The following TMEM108 variants were observed in gnomAD, a reference collection of about 807,000 sequenced individuals.
The protein encoded by TMEM108 is transmembrane protein 108.
A neutral mutation model predicts 35.1 loss-of-function variants in TMEM108; 12 were observed. That is an observed-to-expected ratio of 0.34 (90% CI 0.22 to 0.55). The LOEUF (loss-of-function observed/expected upper bound fraction) is 0.55. Among genes scored for constraint, TMEM108 ranks in the 20% least tolerant of loss-of-function variants. The pLI is 0.89. For missense variants in TMEM108, 680 were observed against 753.3 expected (o/e 0.90, Z 1.14); for synonymous variants, 287 against 308.6 (o/e 0.93, Z 0.73).
chr3:133,369,326 A>G (rs1300493750), intron 3 of TMEM108, among the ~76,000 whole-genome samples: 1 of 152,206 alleles, frequency 6.6e-6, no homozygotes, highest in African/African-American at 2.4e-5. Context: ...CCGAGCAGGA[A>G]GGGAGTATGG....
At chr3:133,061,212 C>CT (rs778632376) in intron 2 of TMEM108, among the ~76,000 whole-genome samples, 8,289 of 129,970 alleles carry the variant, frequency 0.064, 923 homozygotes, top group African/African-American at 0.21. Flanking sequence ...GGCATGTCTC[C>CT]TTTTTTTTTT....
At chr3:133,060,417 G>A (rs1943522393) in intron 2 of TMEM108, among the ~76,000 whole-genome samples, 1 of 152,176 alleles carries the variant, frequency 6.6e-6, no homozygotes, top group South Asian at 2.1e-4. Context: ...TGAGTTTTGT[G>A]GGGGTGCTGA....
chr3:133,335,810 G>A (rs898114610), intron 3 of TMEM108, among the ~76,000 whole-genome samples: 1 of 152,186 alleles, frequency 6.6e-6, no homozygotes, highest in Admixed American at 6.5e-5. Context: ...GAAGAGGATA[G>A]GAAACACAGT....
chr3:133,280,150 G>T (rs1189446331), intron 3 of TMEM108, among the ~76,000 whole-genome samples: 1 of 152,140 alleles, frequency 6.6e-6, no homozygotes, highest in African/African-American at 2.4e-5. Flanking sequence ...CTGAAGCAGG[G>T]CAGACGAGAT....
chr3:133,135,457 C>T (rs2107749363), intron 2 of TMEM108, among the ~76,000 whole-genome samples: 1 of 152,250 alleles, frequency 6.6e-6, no homozygotes, highest in African/African-American at 2.4e-5. Flanking sequence ...TTCATCAGCT[C>T]AGTGGGCTGG....
chr3:133,291,121 C>T (rs908652040), intron 3 of TMEM108, among the ~76,000 whole-genome samples: 2 of 152,054 alleles, frequency 1.3e-5, no homozygotes, highest in Admixed American at 6.6e-5. Context: ...AGAGGTCAAT[C>T]CCAGAAATGT....
chr3:133,259,723 A>G (rs1946598430), intron 3 of TMEM108, among the ~76,000 whole-genome samples: 1 of 152,222 alleles, frequency 6.6e-6, no homozygotes, highest in Non-Finnish European at 1.5e-5. Context: ...CCCAGTGGCC[A>G]CTAGTGATGA....
Position 133,121,013 on chromosome 3 carries a change from A to C in TMEM108, c.-47+74993A>C, listed in dbSNP as rs1245584271. The stretch of plus-strand genomic sequence containing the variant: ...CTGTATCGATATGTTATCTCATTTG[A>C]TCTGATACATCCCTTCCCATTTGCT... On this transcript the variant is annotated intron_variant, in intron 2 of 5. Transcript: ENST00000321871. The C allele has an allele frequency of 2.0e-5, 3 of 152,332 alleles. No homozygotes were observed. In the East Asian group the frequency reaches 5.8e-4, roughly 29 times the overall value. 9.4% of individuals were successfully genotyped at this position (152,332 alleles called of 1,614,324 possible).
At position 133,379,925 on chromosome 3, in the gene TMEM108, G is replaced by A; in HGVS notation, c.214G>A (p.Gly72Arg). Residue 72 changes from glycine to arginine, a missense_variant, in exon 4 of 6, where the codon GGA becomes AGA. This residue lies in a region of TMEM108 where 526 missense variants were observed against 532.1 expected (regional missense o/e 0.99). Coordinates refer to ENST00000321871, the MANE Select transcript of TMEM108 (RefSeq NM_023943.4). ...GGTGATGCTGACCCCCAATCCCGAT[G>A]GACCCCCCTCACAGGCTGCAGCTCC... is the stretch of plus-strand genomic sequence containing the variant. The part of the protein sequence containing the change: ...SVVMLTPNPD[G>R]PPSQAAAPMA... 6.2e-7 allele frequency: 1 copy of A among 1,613,374 alleles called. No homozygotes were observed.
At chr3:133,257,158 A>G (rs1004228619) in intron 3 of TMEM108, 6 of 152,214 alleles carry the variant, frequency 3.9e-5, no homozygotes, top group African/African-American at 1.4e-4. Flanking sequence ...TAAGGCTGCT[A>G]TACAGTGCCT....
At chr3:133,200,768 C>CA (rs1453141243) in intron 2 of TMEM108, among the ~76,000 whole-genome samples, 1 of 152,234 alleles carries the variant, frequency 6.6e-6, no homozygotes, top group East Asian at 1.9e-4. Context: ...ACATTTGTCC[C>CA]AGCCTTTATT....
At chr3:133,383,290 C>T (rs891128715) in intron 4 of TMEM108, among the ~76,000 whole-genome samples, 2 of 152,216 alleles carry the variant, frequency 1.3e-5, no homozygotes, top group Non-Finnish European at 2.9e-5. Context: ...GCTAAACACA[C>T]AGGTGCCACA....
At chr3:133,094,094 T>C (rs1294815178) in intron 2 of TMEM108, among the ~76,000 whole-genome samples, 1 of 152,122 alleles carries the variant, frequency 6.6e-6, no homozygotes, top group African/African-American at 2.4e-5. Context: ...TTAGTCCTTG[T>C]TTCCAAAGGA....
At chr3:133,090,721 G>A (rs973429914) in intron 2 of TMEM108, among the ~76,000 whole-genome samples, 3 of 151,990 alleles carry the variant, frequency 2.0e-5, no homozygotes, top group Non-Finnish European at 4.4e-5. Flanking sequence ...TTTCCTTCCG[G>A]TATAATTTAC....
chr3:133,138,796 G>C (rs1352065539), intron 2 of TMEM108, among the ~76,000 whole-genome samples: 2 of 151,612 alleles, frequency 1.3e-5, no homozygotes, highest in African/African-American at 4.9e-5. Flanking sequence ...TAAGTTCTGG[G>C]GTACATGTGT....
At chr3:133,216,201 A>G (rs1945906048) in intron 2 of TMEM108, among the ~76,000 whole-genome samples, 1 of 152,070 alleles carries the variant, frequency 6.6e-6, no homozygotes, top group Admixed American at 6.6e-5. Context: ...CACCATAGAC[A>G]TTTTTAATTA....
intron 3 of TMEM108, among the ~76,000 whole-genome samples, chr3:133,328,660 A>G (rs2107725547): frequency 6.6e-6 from 1 of 152,304 alleles, no homozygotes; most frequent in Admixed American, 6.5e-5. Context: ...GGATTTTCCT[A>G]ACCTCATCCC....
rs542201795 is a variant in TMEM108, at chr3:133,048,771, T to C, written c.-47+2751T>C. Among the ~76,000 whole-genome samples the C allele has an allele frequency of 2.0e-5, 3 of 152,340 alleles. No individual in the cohort carries two copies. The East Asian group carries it at 5.8e-4, about 29-fold the overall frequency. On this transcript the variant is annotated intron_variant, in intron 2 of 5. Transcript: ENST00000321871. ...AGCCCTAGGTGTTAAGCAAAACTTA[T>C]AAGAATGTTTAAGAAGGATTCCATG...
At chr3:133,072,109 A>G (rs1327587335) in intron 2 of TMEM108, among the ~76,000 whole-genome samples, 7 of 152,138 alleles carry the variant, frequency 4.6e-5, no homozygotes, top group African/African-American at 2.4e-5. Flanking sequence ...GTTGAGAATC[A>G]TTTGACCATG....
Sources: gnomAD v4.1 joint callset for allele counts (sites outside exome capture counted in the v4.1 genomes callset) on GRCh38, gnomAD v4.1.1 for gene constraint, gnomAD v4.1.1 regional missense constraint, MANE v1.5 for transcripts, NCBI Gene and HGNC (gene_info 2026-07-23, HGNC 2026-07-21) for gene names.